The following PTPDC1 variants were observed in gnomAD, a reference collection of about 807,000 sequenced individuals.
PTPDC1 encodes the protein protein tyrosine phosphatase domain-containing protein 1.
PTPDC1 carries 53 observed loss-of-function variants against 75.3 expected under a neutral mutation model. The ratio of observed to expected loss-of-function variants is 0.70; its 90% CI spans 0.56 to 0.88. PTPDC1 has a LOEUF of 0.88. PTPDC1 is among the 40% of genes least tolerant of loss of function. PTPDC1 has a pLI of 0.00. For synonymous variants in PTPDC1, 349 were observed against 366.2 expected (o/e 0.95, Z 0.54); for missense variants, 925 against 998.6 (o/e 0.93, Z 0.99).
At chr9:94,065,854 A>G (rs1359945810) in intron 2 of PTPDC1, among the ~76,000 whole-genome samples, 2 of 152,130 alleles carry the variant, frequency 1.3e-5, no homozygotes, top group African/African-American at 4.8e-5. Context: ...CACAAGAATG[A>G]TGTCTAGTGG....
At chr9:94,048,839 T>G (rs554487601) in intron 1 of PTPDC1, among the ~76,000 whole-genome samples, 74 of 152,306 alleles carry the variant, frequency 4.9e-4, no homozygotes, top group Non-Finnish European at 9.1e-4. Context: ...TGTGGGAGTC[T>G]AAGTCTCTTT....
intron 1 of PTPDC1, chr9:94,038,318 T>C (rs1047753522): frequency 1.5e-6 from 1 of 668,722 alleles, no homozygotes; most frequent in Non-Finnish European, 2.7e-6. Context: ...AATGATAGCT[T>C]ATCTCAAAAA....
At chr9:94,062,304 A>G (rs1826167162) in intron 1 of PTPDC1, among the ~76,000 whole-genome samples, 1 of 152,064 alleles carries the variant, frequency 6.6e-6, no homozygotes, top group Non-Finnish European at 1.5e-5. Context: ...TTCACTTTCC[A>G]TATCACTATC....
intron 2 of PTPDC1, among the ~76,000 whole-genome samples, chr9:94,065,016 T>G (rs1416935574): frequency 6.6e-6 from 1 of 152,256 alleles, no homozygotes; most frequent in Non-Finnish European, 1.5e-5. Context: ...CTTGGCCTTT[T>G]AAGAAGGAGT....
chr9:94,033,962 T>C (rs1829776047), intron 1 of PTPDC1, among the ~76,000 whole-genome samples: 1 of 152,194 alleles, frequency 6.6e-6, no homozygotes, highest in Non-Finnish European at 1.5e-5. Flanking sequence ...ACTTATCATG[T>C]GCCAGGCAGT....
intron 1 of PTPDC1, among the ~76,000 whole-genome samples, chr9:94,055,418 A>G (rs1825901352): frequency 6.6e-6 from 1 of 152,258 alleles, no homozygotes; most frequent in Admixed American, 6.5e-5. Context: ...GGTTTTGTTC[A>G]TCATTGCTTA....
chr9:94,093,439 T>G (rs1161428832), intron 4 of PTPDC1, among the ~76,000 whole-genome samples: 1 of 146,930 alleles, frequency 6.8e-6, no homozygotes, highest in Non-Finnish European at 1.5e-5. Flanking sequence ...TTGTAGGGTT[T>G]CTGCCGAGAG....
At chr9:94,037,532 T>G (rs1825308757) in intron 1 of PTPDC1, among the ~76,000 whole-genome samples, 2 of 152,220 alleles carry the variant, frequency 1.3e-5, no homozygotes. Context: ...TAGCTTGTAA[T>G]TTTTAATCTA....
intron 1 of PTPDC1, among the ~76,000 whole-genome samples, chr9:94,059,926 C>G (rs925864962): frequency 1.3e-5 from 2 of 152,120 alleles, no homozygotes; most frequent in Non-Finnish European, 2.9e-5. Flanking sequence ...TGATAATAAG[C>G]CACATAAACT....
chr9:94,069,917 C>T (rs1363866591), intron 2 of PTPDC1, among the ~76,000 whole-genome samples: 7 of 150,258 alleles, frequency 4.7e-5, no homozygotes, highest in Non-Finnish European at 7.4e-5. Context: ...CTCCGCCTCC[C>T]GGGTTCACGC....
chr9:94,036,026 T>TG (rs1358782302), intron 1 of PTPDC1, among the ~76,000 whole-genome samples: 1 of 143,998 alleles, frequency 6.9e-6, no homozygotes, highest in South Asian at 2.2e-4. Context: ...ATTATTTGTT[T>TG]TTTTTTTTGT....
At chr9:94,083,691 T>C (rs1005511937), upstream of PTPDC1, among the ~76,000 whole-genome samples, 10 of 152,210 alleles carry the variant, frequency 6.6e-5, no homozygotes, top group African/African-American at 2.4e-4. Context: ...CCTTTAAAAA[T>C]GTGATATTTA....
intron 1 of PTPDC1, among the ~76,000 whole-genome samples, chr9:94,051,243 C>T (rs1825783089): frequency 6.6e-6 from 1 of 152,174 alleles, no homozygotes; most frequent in Non-Finnish European, 1.5e-5. Flanking sequence ...TGACACTCCC[C>T]AGTGAGATGA....
In PTPDC1 at chr9:94,087,843, T is replaced by C; in HGVS notation, c.429T>C (p.Asn143=). The C allele has an allele frequency of 6.2e-7, 1 of 1,613,606 alleles. No individual in the cohort carries two copies. Among genetic ancestry groups the C allele is most frequent in the Non-Finnish European group, 8.5e-7 (1 of 1,179,546 alleles). Residue 143 remains asparagine (N), a synonymous_variant, in exon 3 of 9, where the codon AAT becomes AAC. Transcript: ENST00000620992. ...CACCTATTTGCAGGGTCACTGATAATATACTGGCCATGGCCCGCCCATCCT... is the reference window on the plus strand; with the variant it reads ...CACCTATTTGCAGGGTCACTGATAACATACTGGCCATGGCCCGCCCATCCT... ...KGVYSSWVTD[N]ILAMARPSSE... is the part of the protein sequence containing the mutation.
At chr9:94,101,476 C>T (rs368463619) in intron 6 of PTPDC1, 90 bp from the exon 7 acceptor site, 19 of 963,458 alleles carry the variant, frequency 2.0e-5, no homozygotes, top group African/African-American at 1.3e-4. Context: ...TTGTGGGCAG[C>T]GCAAGAATCA....
chr9:94,098,719 C>T lies in PTPDC1; in HGVS notation c.2013+140C>T, dbSNP rs1395489359. ...TAATACTTTCTAACTTCAGGTTTCTCGTCTCTGATGCGAACCTGATGTTAT... is the reference window on the plus strand; with the variant it reads ...TAATACTTTCTAACTTCAGGTTTCTTGTCTCTGATGCGAACCTGATGTTAT... On this transcript the variant is annotated intron_variant, in intron 6 of 8. Coordinates refer to ENST00000620992, the MANE Select transcript of PTPDC1 (RefSeq NM_001253829.2). 2.9e-5 allele frequency: 22 copies of T among 753,326 alleles called. No homozygotes were observed. The East Asian group carries it at 3.5e-4, about 12-fold the overall frequency. 46.7% of individuals were successfully genotyped at this position (753,326 alleles called of 1,614,324 possible). A position where few individuals can be genotyped will look rare whatever the true frequency, so the allele number is the denominator to read the frequency against.
intron 2 of PTPDC1, among the ~76,000 whole-genome samples, chr9:94,070,415 A>G (rs1264290178): frequency 6.6e-6 from 1 of 152,138 alleles, no homozygotes. Flanking sequence ...GGCTTTATGT[A>G]TGGCTCTTTC....
intron 1 of PTPDC1, among the ~76,000 whole-genome samples, chr9:94,055,965 C>T (rs1400973078): frequency 1.3e-5 from 2 of 152,086 alleles, no homozygotes; most frequent in African/African-American, 4.8e-5. Context: ...TAACTATGGA[C>T]TTTGGGTGAT....
chr9:94,053,897 A>G (rs1032906449), intron 1 of PTPDC1, among the ~76,000 whole-genome samples: 1 of 152,252 alleles, frequency 6.6e-6, no homozygotes, highest in South Asian at 2.1e-4. Context: ...TGCGTAAGGC[A>G]TGATTACTGT....
Sources: allele counts gnomAD v4.1 joint callset (sites outside exome capture counted in the v4.1 genomes callset), GRCh38; gene constraint gnomAD v4.1.1; transcripts MANE v1.5; gene names NCBI Gene and HGNC (gene_info 2026-07-23, HGNC 2026-07-21).